Variants in GALNT13 observed in about 807,000 individuals in gnomAD.
The protein encoded by GALNT13 is UDP-GalNAc:polypeptide N-acetylgalactosaminyltransferase 13.
Under a neutral mutation model 64.2 loss-of-function variants are expected in GALNT13, and 28 were observed. That is an observed-to-expected ratio of 0.44 (90% CI 0.32 to 0.60). The LOEUF is 0.60. Ranked by LOEUF, GALNT13 falls within the 20% of genes least tolerant of loss-of-function variation. The pLI is 0.05. For synonymous variants in GALNT13, 214 were observed against 224.6 expected (o/e 0.95, Z 0.42); for missense variants, 577 against 669.8 (o/e 0.86, Z 1.53).
Position 154,204,202 on chromosome 2 carries a change from A to G in GALNT13, c.312-37828A>G, listed in dbSNP as rs148031198. ...TTCAAACATCAACCATCGTTCACTG[A>G]TCAGCCTAACTGTGGTGCTACCATT... is the stretch of plus-strand genomic sequence containing the variant. On this transcript the variant is annotated intron_variant, in intron 4 of 12. Transcript: ENST00000392825. Among the ~76,000 whole-genome samples the G allele has an allele frequency of 7.2e-5, 11 of 152,296 alleles. No homozygotes were observed. The East Asian group carries it at 1.9e-3, about 27-fold the overall frequency.
the GALNT13 span, among the ~76,000 whole-genome samples, chr2:153,170,723 A>G: frequency 1.3e-5 from 2 of 152,220 alleles, no homozygotes; most frequent in African/African-American, 4.8e-5. Context: ...TTATCTAACA[A>G]ATGTTACCTT....
At chr2:153,107,931 T>C in the GALNT13 span, among the ~76,000 whole-genome samples, 7 of 152,146 alleles carry the variant, frequency 4.6e-5, no homozygotes, top group African/African-American at 1.7e-4. Flanking sequence ...ACAACACATA[T>C]CATTTCCAAA....
chr2:153,549,080 T>C, the GALNT13 span, among the ~76,000 whole-genome samples: 1 of 152,080 alleles, frequency 6.6e-6, no homozygotes, highest in Non-Finnish European at 1.5e-5. Context: ...AGACACAAAA[T>C]AGATTAGCGG....
the GALNT13 span, among the ~76,000 whole-genome samples, chr2:153,250,530 G>A: frequency 6.6e-6 from 1 of 152,042 alleles, no homozygotes; most frequent in Non-Finnish European, 1.5e-5. Flanking sequence ...TCTGTTACTG[G>A]GTATATACCC....
chr2:154,327,264 T>C (rs1314252432), intron 9 of GALNT13, among the ~76,000 whole-genome samples: 1 of 152,098 alleles, frequency 6.6e-6, no homozygotes, highest in Admixed American at 6.6e-5. Context: ...GAAAGTTTCC[T>C]GAGGTGTGCC....
At chr2:153,705,464 A>G in the GALNT13 span, among the ~76,000 whole-genome samples, 15 of 152,072 alleles carry the variant, frequency 9.9e-5, no homozygotes, top group Admixed American at 4.6e-4. Flanking sequence ...GTGAGTCACA[A>G]TAATATTTAT....
chr2:154,001,694 TG>T (rs1695920927), intron 3 of GALNT13, among the ~76,000 whole-genome samples: 2 of 152,030 alleles, frequency 1.3e-5, no homozygotes, highest in Admixed American at 6.6e-5. Context: ...ATGATAGTAG[TG>T]GTTTACAGGC....
chr2:154,110,490 C>T (rs1017031133), intron 3 of GALNT13, among the ~76,000 whole-genome samples: 2 of 149,374 alleles, frequency 1.3e-5, no homozygotes, highest in African/African-American at 2.5e-5. Flanking sequence ...AGAAGGAGAG[C>T]CAGTCTGAGT....
the GALNT13 span, among the ~76,000 whole-genome samples, chr2:153,675,468 C>A: frequency 6.6e-6 from 1 of 152,118 alleles, no homozygotes; most frequent in Non-Finnish European, 1.5e-5. Flanking sequence ...ACCGCATGTT[C>A]TCATTCATAA....
chr2:154,023,271 T>A (rs1041824426), intron 3 of GALNT13, among the ~76,000 whole-genome samples: 26 of 152,240 alleles, frequency 1.7e-4, no homozygotes, highest in East Asian at 1.9e-4. Context: ...CTCGTTTATC[T>A]GTCTAATGTT....
At chr2:153,578,150 G>A in the GALNT13 span, among the ~76,000 whole-genome samples, 1,816 of 152,064 alleles carry the variant, frequency 0.012, 32 homozygotes, top group African/African-American at 0.041. Context: ...ACATATATGC[G>A]ATAAGTGATT....
At chr2:154,158,944 C>T (rs1459043044) in intron 4 of GALNT13, among the ~76,000 whole-genome samples, 1 of 152,018 alleles carries the variant, frequency 6.6e-6, no homozygotes, top group African/African-American at 2.4e-5. Flanking sequence ...CAACCCGTGA[C>T]ACTTTCTACT....
intron 4 of GALNT13, among the ~76,000 whole-genome samples, chr2:154,187,409 CACACAA>C: frequency 7.6e-6 from 1 of 131,514 alleles, no homozygotes; most frequent in East Asian, 2.1e-4. Flanking sequence ...CACACACACA[CACACAA>C]CTTCTAAACA....
the GALNT13 span, among the ~76,000 whole-genome samples, chr2:153,552,578 T>C: frequency 7.3e-5 from 10 of 136,774 alleles, no homozygotes; most frequent in Admixed American, 1.4e-4. Context: ...TCTTCTTCTT[T>C]TTTTTTTTTT....
chr2:154,000,067 G>T (rs1359814949), intron 3 of GALNT13, among the ~76,000 whole-genome samples: 1 of 151,890 alleles, frequency 6.6e-6, no homozygotes, highest in Non-Finnish European at 1.5e-5. Context: ...CAAGAGAAAG[G>T]TTGTATTTGT....
intron 3 of GALNT13, among the ~76,000 whole-genome samples, chr2:153,952,898 G>A (rs750331003): frequency 1.3e-5 from 2 of 152,114 alleles, no homozygotes; most frequent in Non-Finnish European, 2.9e-5. Flanking sequence ...ATGTTCGAGG[G>A]CAGGGAGCAT....
chr2:153,335,580 T>C, the GALNT13 span, among the ~76,000 whole-genome samples: 1 of 152,174 alleles, frequency 6.6e-6, no homozygotes, highest in South Asian at 2.1e-4. Context: ...GTGGAAGAAA[T>C]TTCTAAGCAG....
At position 154,141,212 on chromosome 2, in the gene GALNT13, T is replaced by A. The variant is rs1582649; in HGVS notation, c.311+707T>A. Among the ~76,000 whole-genome samples the A allele has an allele frequency of 0.057, 8,664 of 152,188 alleles. 1,192 individuals are homozygous for A. The East Asian group carries it at 0.62, about 11-fold the overall frequency. On this transcript the variant is annotated intron_variant, in intron 4 of 12. Transcript: ENST00000392825. ...TAGTGAATGTGAAGGCTTAGGGCATTACTGTACGCTACTTGTAGACTTTAT... is the reference window on the plus strand; with the variant it reads ...TAGTGAATGTGAAGGCTTAGGGCATAACTGTACGCTACTTGTAGACTTTAT...
chr2:153,735,521 C>T, the GALNT13 span, among the ~76,000 whole-genome samples: 2 of 152,102 alleles, frequency 1.3e-5, no homozygotes, highest in Non-Finnish European at 2.9e-5. Flanking sequence ...AATGAATTTG[C>T]TTTTGTAATA....
Sources: allele counts gnomAD v4.1 joint callset (sites outside exome capture counted in the v4.1 genomes callset), GRCh38; gene constraint gnomAD v4.1.1; transcripts MANE v1.5; gene names NCBI Gene and HGNC (gene_info 2026-07-23, HGNC 2026-07-21).